The following UNC5D variants were observed in gnomAD, a reference collection of about 807,000 sequenced individuals.
UNC5D encodes the protein netrin receptor UNC5D.
A neutral mutation model predicts 105.4 loss-of-function variants in UNC5D; 39 were observed. The observed-to-expected ratio is 0.37, with a 90% CI of 0.29 to 0.48. The LOEUF is 0.48. UNC5D is among the 20% of genes least tolerant of loss of function. The probability of loss-of-function intolerance (pLI) is 0.98; values close to 1 mark genes in which losing one functional copy is unlikely to be tolerated. For missense variants in UNC5D, 991 were observed against 1,202.4 expected (o/e 0.82, Z 2.60); for synonymous variants, 452 against 450.4 (o/e 1.00, Z -0.04).
At chr8:35,762,811 T>G (rs1050090724) in intron 14 of UNC5D, among the ~76,000 whole-genome samples, 2 of 152,168 alleles carry the variant, frequency 1.3e-5, no homozygotes, top group Non-Finnish European at 2.9e-5. Flanking sequence ...CAAAGTCAAG[T>G]TGTCACCTCC....
At chr8:35,469,606 C>T (rs975117262) in intron 1 of UNC5D, among the ~76,000 whole-genome samples, 2 of 152,028 alleles carry the variant, frequency 1.3e-5, no homozygotes, top group Admixed American at 6.6e-5. Context: ...TTCCAGAGCA[C>T]GATAATACCA....
chr8:35,478,856 A>C (rs762195808), intron 1 of UNC5D, among the ~76,000 whole-genome samples: 4 of 152,298 alleles, frequency 2.6e-5, no homozygotes, highest in Non-Finnish European at 5.9e-5. Context: ...GTTGAATTAC[A>C]CTGCAGCTCC....
intron 4 of UNC5D, among the ~76,000 whole-genome samples, chr8:35,600,774 C>T (rs1208213560): frequency 6.6e-6 from 1 of 152,116 alleles, no homozygotes; most frequent in African/African-American, 2.4e-5. Flanking sequence ...ATGGTGGTTT[C>T]TTTTGCTGTG....
chr8:35,498,708 G>T (rs1811778386), intron 1 of UNC5D, among the ~76,000 whole-genome samples: 2 of 152,046 alleles, frequency 1.3e-5, no homozygotes, highest in South Asian at 2.1e-4. Flanking sequence ...TCGTCATCAG[G>T]CATCAGCACA....
At chr8:35,494,854 A>AT (rs1439933976) in intron 1 of UNC5D, among the ~76,000 whole-genome samples, 1 of 152,116 alleles carries the variant, frequency 6.6e-6, no homozygotes, top group Admixed American at 6.6e-5. Context: ...CTCCGCTTTA[A>AT]TTATACTTTT....
At chr8:35,672,655 T>A (rs1480693294) in intron 4 of UNC5D, among the ~76,000 whole-genome samples, 2 of 152,198 alleles carry the variant, frequency 1.3e-5, no homozygotes, top group Non-Finnish European at 2.9e-5. Context: ...TTTGATTACA[T>A]CTCTCTCCCC....
chr8:35,398,965 G>A (rs180681217), intron 1 of UNC5D, among the ~76,000 whole-genome samples: 2 of 151,906 alleles, frequency 1.3e-5, no homozygotes, highest in African/African-American at 4.8e-5. Flanking sequence ...AGACCAGCCT[G>A]GGCAACACGG....
At chr8:35,316,510 C>T (rs1809317249) in intron 1 of UNC5D, among the ~76,000 whole-genome samples, 1 of 152,142 alleles carries the variant, frequency 6.6e-6, no homozygotes, top group African/African-American at 2.4e-5. Flanking sequence ...ATCTGCCAAA[C>T]TAACTTGCAA....
chr8:35,375,307 T>C (rs1241464326), intron 1 of UNC5D, among the ~76,000 whole-genome samples: 1 of 152,220 alleles, frequency 6.6e-6, no homozygotes, highest in Non-Finnish European at 1.5e-5. Flanking sequence ...ATAATTAGCA[T>C]GAGTCACTGA....
chr8:35,647,660 A>G (rs1230938765), intron 4 of UNC5D, among the ~76,000 whole-genome samples: 1 of 152,136 alleles, frequency 6.6e-6, no homozygotes, highest in Non-Finnish European at 1.5e-5. Context: ...ATAACACAAA[A>G]ATACAATCAC....
chr8:35,642,909 C>T (rs1227496854), intron 4 of UNC5D, among the ~76,000 whole-genome samples: 3 of 152,132 alleles, frequency 2.0e-5, no homozygotes, highest in African/African-American at 7.2e-5. Context: ...TCTCCCCAAC[C>T]CACCCCAGAT....
chr8:35,790,172 A>C (rs765224193), intron 16 of UNC5D, among the ~76,000 whole-genome samples, 187 bp from the exon 17 acceptor site: 1 of 152,178 alleles, frequency 6.6e-6, no homozygotes, highest in Non-Finnish European at 1.5e-5. Context: ...GTAACATTCC[A>C]CAGCACAGTT....
intron 4 of UNC5D, among the ~76,000 whole-genome samples, chr8:35,660,266 G>T (rs940033166): frequency 6.6e-6 from 1 of 152,172 alleles, no homozygotes; most frequent in Non-Finnish European, 1.5e-5. Context: ...TATCTATTAC[G>T]GTTTTGCCTA....
chr8:35,273,149 A>G (rs1805535622), intron 1 of UNC5D, among the ~76,000 whole-genome samples: 1 of 152,236 alleles, frequency 6.6e-6, no homozygotes, highest in Non-Finnish European at 1.5e-5. Context: ...CTTAACTGAC[A>G]GCATTCATTC....
intron 1 of UNC5D, among the ~76,000 whole-genome samples, chr8:35,312,990 T>C (rs1360184411): frequency 6.6e-6 from 1 of 152,220 alleles, no homozygotes; most frequent in Non-Finnish European, 1.5e-5. Flanking sequence ...GAGATAGTTC[T>C]GTCAGACAGC....
chr8:35,644,671 G>A (rs1586324454), intron 4 of UNC5D, among the ~76,000 whole-genome samples: 1 of 152,214 alleles, frequency 6.6e-6, no homozygotes, highest in Middle Eastern at 3.4e-3. Context: ...TCACAAGCCT[G>A]TCTTGCCTTC....
chr8:35,638,748 C>T (rs1273859468), intron 4 of UNC5D, among the ~76,000 whole-genome samples: 4 of 151,944 alleles, frequency 2.6e-5, no homozygotes, highest in Non-Finnish European at 2.9e-5. Flanking sequence ...GATAGTGAGC[C>T]GTGATCCTGC....
At chr8:35,724,024 G>A (rs762336944) in intron 9 of UNC5D, 81 of 794,190 alleles carry the variant, frequency 1.0e-4, no homozygotes, top group Non-Finnish European at 1.2e-4. Flanking sequence ...CAAATGCAGC[G>A]AATAGAGTTC....
rs184289885 is a variant in UNC5D at position 35,241,177 on chromosome 8, T to C, written c.103+5290T>C. On this transcript the variant is annotated intron_variant, in intron 1 of 16. Coordinates refer to ENST00000404895, the MANE Select transcript of UNC5D (RefSeq NM_080872.4). ...TGAGGCAGATGGCTAGATTCATTTATAGAAAATAGATATTCGTTCTATTTT... is the reference window on the plus strand; with the variant it reads ...TGAGGCAGATGGCTAGATTCATTTACAGAAAATAGATATTCGTTCTATTTT... 1.6e-3 allele frequency among the ~76,000 whole-genome samples: 248 copies of C among 152,374 alleles called. 2 individuals are homozygous for C. The highest frequency in any genetic ancestry group is 5.7e-3 in the African/African-American group (237 of 41,596).
Sources: allele counts gnomAD v4.1 joint callset (sites outside exome capture counted in the v4.1 genomes callset), GRCh38; gene constraint gnomAD v4.1.1; transcripts MANE v1.5; gene names NCBI Gene and HGNC (gene_info 2026-07-23, HGNC 2026-07-21).